Variants in MAP3K5 observed in about 807,000 individuals in gnomAD.
MAP3K5 encodes the protein ASK-1.
Under a neutral mutation model 158.7 loss-of-function variants are expected in MAP3K5, and 56 were observed. The observed-to-expected ratio is 0.35, with a 90% CI of 0.28 to 0.44. The LOEUF is 0.44. Ranked by LOEUF, MAP3K5 falls within the 20% of genes least tolerant of loss-of-function variation. The pLI is 1.00. For synonymous variants in MAP3K5, 579 were observed against 601.7 expected (o/e 0.96, Z 0.55); for missense variants, 1,294 against 1,674.8 (o/e 0.77, Z 3.97).
intron 1 of MAP3K5, among the ~76,000 whole-genome samples, chr6:136,754,273 A>C (rs1783359893): frequency 6.8e-6 from 1 of 146,916 alleles, no homozygotes; most frequent in Admixed American, 6.8e-5. Context: ...ACTCGATAAA[A>C]AAAAAAAAGA....
At chr6:136,781,074 A>G (rs1342130552) in intron 1 of MAP3K5, among the ~76,000 whole-genome samples, 3 of 152,250 alleles carry the variant, frequency 2.0e-5, no homozygotes, top group Admixed American at 1.3e-4. Flanking sequence ...CATTAAGGGA[A>G]ACTGCATCAG....
chr6:136,632,458 A>T (rs991139398), intron 14 of MAP3K5, among the ~76,000 whole-genome samples: 12 of 152,180 alleles, frequency 7.9e-5, no homozygotes, highest in African/African-American at 2.7e-4. Flanking sequence ...CGGAGGTTGC[A>T]GTGAGCCGAG....
chr6:136,760,584 AC>A (rs1246910600), intron 1 of MAP3K5, among the ~76,000 whole-genome samples: 2 of 151,884 alleles, frequency 1.3e-5, no homozygotes, highest in Non-Finnish European at 2.9e-5. Flanking sequence ...TGAAATCCTC[AC>A]CCCCCAAGGT....
intron 21 of MAP3K5, among the ~76,000 whole-genome samples, chr6:136,594,861 A>G (rs1394777409): frequency 6.6e-6 from 1 of 151,892 alleles, no homozygotes; most frequent in African/African-American, 2.4e-5. Context: ...AGGAGTAAGG[A>G]CTTGAATTAT....
chr6:136,601,673 T>C (rs1775881533), intron 20 of MAP3K5, 129 bp downstream of exon 20: 2 of 788,798 alleles, frequency 2.5e-6, no homozygotes, highest in South Asian at 3.8e-5. Context: ...CTGAGAACAC[T>C]GTGCTAATAT....
At chr6:136,571,127 T>C (rs9376203) in intron 25 of MAP3K5, among the ~76,000 whole-genome samples, 3,162 of 152,252 alleles carry the variant, frequency 0.021, 57 homozygotes, top group East Asian at 0.073. Context: ...CCAATCAGCA[T>C]GCACCCCCCT....
At position 136,660,882 on chromosome 6, in the gene MAP3K5, A is replaced by G. The variant is rs189180811; in HGVS notation, c.1367-1504T>C. On this transcript the variant is annotated intron_variant, in intron 8 of 29. Transcript: ENST00000359015. ...ACTTGCAGATTTTTGTCCAGTAGAG[A>G]TGCAAATTTCTGTAGAGTGGAATGG... is the stretch of plus-strand genomic sequence containing the variant. Among the ~76,000 whole-genome samples, 12 of 152,132 alleles carry G rather than the reference A, an allele frequency of 7.9e-5. No homozygotes were observed. The East Asian group carries it at 2.3e-3, about 29-fold the overall frequency.
Position 136,601,787 on chromosome 6 carries a change from A to G in MAP3K5, c.2857+15T>C, listed in dbSNP as rs1775887217. 6.2e-7 allele frequency: 1 copy of G among 1,613,012 alleles called. No individual in the cohort carries two copies. The highest frequency in any genetic ancestry group is 2.2e-5 in the East Asian group (1 of 44,878). ...GAAGGACTCAGACTATATCCTCTTC[A>G]ATGCAACCACATACCTGAAAGCTTA... On this transcript the variant is annotated intron_variant, in intron 20 of 29. Transcript: ENST00000359015.
At chr6:136,575,688 G>A (rs1210874301) in intron 25 of MAP3K5, among the ~76,000 whole-genome samples, 4 of 152,104 alleles carry the variant, frequency 2.6e-5, no homozygotes, top group East Asian at 1.9e-4. Flanking sequence ...GTTCACTGAC[G>A]TCTTCTTGTG....
Position 136,613,142 on chromosome 6 carries a change from T to C in MAP3K5, c.2393A>G (p.Gln798Arg). 2.5e-6 allele frequency: 4 copies of C among 1,611,680 alleles called. No homozygotes were observed. Among genetic ancestry groups the C allele is most frequent in the Non-Finnish European group, 3.4e-6 (4 of 1,179,096 alleles). Residue 798 changes from glutamine (Q) to arginine (R), a missense_variant, in exon 17 of 30, where the codon CAG (glutamine) becomes CGG (arginine). Physicochemically the swap from Gln to Arg is conservative, Grantham distance 43. Around this residue, in one of 5 missense-constraint regions of MAP3K5, gnomAD observed 362 missense variants for 463.2 expected, o/e 0.78. Coordinates refer to ENST00000359015, the MANE Select transcript of MAP3K5 (RefSeq NM_005923.4). This position sits in a 1 kb window ranked among gnomAD's most constrained non-coding sequence, Gnocchi z 4.0. ...CACCTTTATGTCCCGGTGAACTATCTGATTGTCATGGAGATATTTTAATCC... is the reference window on the plus strand; with the variant it reads ...CACCTTTATGTCCCGGTGAACTATCCGATTGTCATGGAGATATTTTAATCC... ...LEGLKYLHDNQIVHRDIKGDN... is the reference protein window; with the variant it reads ...LEGLKYLHDNRIVHRDIKGDN...
At chr6:136,779,372 G>A (rs923437931) in intron 1 of MAP3K5, among the ~76,000 whole-genome samples, 7 of 147,292 alleles carry the variant, frequency 4.8e-5, no homozygotes, top group Admixed American at 4.2e-4. Context: ...GAGTCTGGAA[G>A]ATCAAGACTG....
intron 1 of MAP3K5, among the ~76,000 whole-genome samples, chr6:136,778,629 A>T (rs190511423): frequency 2.3e-4 from 35 of 152,332 alleles, no homozygotes; most frequent in African/African-American, 8.2e-4. Flanking sequence ...TAATCATGAT[A>T]GTAATAGTTA....
chr6:136,737,033 G>GTATATATATATATATATA (rs796790486), intron 1 of MAP3K5, among the ~76,000 whole-genome samples: 1,384 of 111,712 alleles, frequency 0.012, 32 homozygotes, highest in South Asian at 0.014. Flanking sequence ...ATATATATGT[G>GTATATATATATATATATA]TGTGTATATA....
At chr6:136,772,129 C>T (rs1283885213) in intron 1 of MAP3K5, among the ~76,000 whole-genome samples, 1 of 147,228 alleles carries the variant, frequency 6.8e-6, no homozygotes, top group Non-Finnish European at 1.5e-5. Flanking sequence ...GTTGGCCAGG[C>T]TGGTCTCGAA....
At chr6:136,571,834 C>T (rs1051311155) in intron 25 of MAP3K5, among the ~76,000 whole-genome samples, 6 of 152,190 alleles carry the variant, frequency 3.9e-5, no homozygotes, top group African/African-American at 1.4e-4. Context: ...AGCCATCATA[C>T]TGTTTTCCAT....
At chr6:136,596,074 C>T (rs367554524) in intron 21 of MAP3K5, among the ~76,000 whole-genome samples, 16 of 130,888 alleles carry the variant, frequency 1.2e-4, no homozygotes, top group African/African-American at 5.2e-4. Context: ...CAGCAGCCTA[C>T]CTGGCTGGAG....
chr6:136,614,322 T>C (rs1191731608), intron 15 of MAP3K5, 36 bp from the exon 16 acceptor site: 2 of 1,602,000 alleles, frequency 1.2e-6, no homozygotes, highest in Non-Finnish European at 1.7e-6. Flanking sequence ...GTTAATTATG[T>C]AGCCAGACTT....
chr6:136,703,367 G>C lies in MAP3K5; in HGVS notation c.612+1743C>G, dbSNP rs183505936. On this transcript the variant is annotated intron_variant, in intron 3 of 29. Coordinates refer to ENST00000359015, the MANE Select transcript of MAP3K5 (RefSeq NM_005923.4). ...AGTGCTACCTTCTCTGAAGGACACT[G>C]ACATAATGGCTACCCTCTTTTTAGC... 1.1e-4 allele frequency among the ~76,000 whole-genome samples: 17 copies of C among 152,320 alleles called. No individual in the cohort carries two copies. The East Asian group carries it at 3.3e-3, about 29-fold the overall frequency.
At chr6:136,792,686 C>G (rs1458892914), upstream of MAP3K5, among the ~76,000 whole-genome samples, 1 of 152,200 alleles carries the variant, frequency 6.6e-6, no homozygotes, top group African/African-American at 2.4e-5. The surrounding 1 kb of genome is among the most constrained non-coding windows in gnomAD (Gnocchi z 5.7). Context: ...CCCGGAACAG[C>G]AGCAGCGGCA....
Sources: gnomAD v4.1 joint callset for allele counts (sites outside exome capture counted in the v4.1 genomes callset) on GRCh38, gnomAD v4.1.1 for gene constraint, gnomAD v4.1.1 regional missense constraint, Gnocchi (gnomAD v3.1) non-coding constraint, MANE v1.5 for transcripts, NCBI Gene and HGNC (gene_info 2026-07-23, HGNC 2026-07-21) for gene names.